Variants in RYR3 observed in about 807,000 individuals in gnomAD.
RYR3 encodes ryanodine receptor 3.
RYR3 carries 207 observed loss-of-function variants against 584.3 expected under a neutral mutation model. The ratio of observed to expected loss-of-function variants is 0.35; its 90% CI spans 0.32 to 0.40. RYR3 has a LOEUF of 0.40. Among genes scored for constraint, RYR3 ranks in the 10% least tolerant of loss-of-function variants. The pLI is 1.00. For missense variants in RYR3, 5,616 were observed against 6,089.2 expected (o/e 0.92, Z 2.59); for synonymous variants, 2,416 against 2,248.5 (o/e 1.07, Z -2.11).
At chr15:33,827,025 G>C (rs1375867469) in intron 84 of RYR3, among the ~76,000 whole-genome samples, 174 bp from the exon 85 acceptor site, 1 of 152,208 alleles carries the variant, frequency 6.6e-6, no homozygotes, top group South Asian at 2.1e-4. Context: ...GGTGTCCGCA[G>C]GTTGGGGGGG....
chr15:33,826,191 G>C (rs551452646), intron 82 of RYR3, 61 bp from the exon 83 acceptor site: 2 of 1,538,644 alleles, frequency 1.3e-6, no homozygotes, highest in East Asian at 4.5e-5. Flanking sequence ...ACTAAAGACA[G>C]TTTATCATGA....
chr15:33,664,678 G>A (rs2063395117), intron 36 of RYR3, among the ~76,000 whole-genome samples: 1 of 147,994 alleles, frequency 6.8e-6, no homozygotes, highest in Non-Finnish European at 1.5e-5. Flanking sequence ...CCTCCCCAGG[G>A]TTCTTGCAAG....
At position 33,662,636 on chromosome 15, in the gene RYR3, A is replaced by G. The variant is rs2063233460; in HGVS notation, c.5106A>G (p.Ala1702=). The G allele has an allele frequency of 1.9e-6, 3 of 1,613,920 alleles. No individual in the cohort carries two copies. The highest frequency in any genetic ancestry group is 2.5e-6 in the Non-Finnish European group (3 of 1,179,922). Residue 1702 remains alanine (A), a synonymous_variant, in exon 35 of 104, where the codon GCA becomes GCG. Transcript: ENST00000634891. ...AGGCTCTGAGTATGCTGACAGAGGC[A>G]GTGCAGTGCAGCGGGGCCCACATCC... ...RTKALSMLTE[A]VQCSGAHIRD...
chr15:33,762,257 G>A (rs934635030), intron 60 of RYR3, among the ~76,000 whole-genome samples: 21 of 152,256 alleles, frequency 1.4e-4, no homozygotes, highest in African/African-American at 4.6e-4. Context: ...TCTGGCCAGG[G>A]CAATCAGGCA....
chr15:33,646,904 T>C (rs980197345), intron 29 of RYR3, among the ~76,000 whole-genome samples: 7 of 152,246 alleles, frequency 4.6e-5, no homozygotes, highest in African/African-American at 1.7e-4. Context: ...CTGCCTTCTT[T>C]GCATAGCTAT....
At chr15:33,567,182 T>G (rs886657902) in intron 12 of RYR3, among the ~76,000 whole-genome samples, 1 of 152,206 alleles carries the variant, frequency 6.6e-6, no homozygotes, top group Non-Finnish European at 1.5e-5. Flanking sequence ...CTACAATCAT[T>G]CAGAATTGCT....
chr15:33,435,908 A>T (rs980610799), intron 1 of RYR3, among the ~76,000 whole-genome samples: 2 of 152,164 alleles, frequency 1.3e-5, no homozygotes, highest in African/African-American at 4.8e-5. Context: ...GGCAGCTTTT[A>T]TTCCCTTATT....
chr15:33,586,834 T>C (rs962318104), intron 16 of RYR3, among the ~76,000 whole-genome samples: 19 of 152,184 alleles, frequency 1.2e-4, no homozygotes, highest in Non-Finnish European at 2.5e-4. Flanking sequence ...GAGTTTTTTT[T>C]CCTGACCCTT....
At position 33,390,750 on chromosome 15, in the gene RYR3, A is replaced by G. The variant is rs2041944671; in HGVS notation, c.51+79654A>G. On this transcript the variant is annotated intron_variant, in intron 1 of 103. Coordinates refer to ENST00000634891, the MANE Select transcript of RYR3 (RefSeq NM_001036.6). This position sits in a 1 kb window ranked among gnomAD's most constrained non-coding sequence, Gnocchi z 4.2. The stretch of plus-strand genomic sequence containing the variant: ...AACACCTGCTTAGTTCTGGGAATCT[A>G]GAAGAGCGGTACTTGCTAGTCAGAG... Among the ~76,000 whole-genome samples, 1 of 152,174 alleles carries G rather than the reference A, an allele frequency of 6.6e-6. No homozygotes were observed. Among genetic ancestry groups the G allele is most frequent in the Admixed American group, 6.5e-5 (1 of 15,280 alleles).
chr15:33,697,859 ACT>A, intron 39 of RYR3, 21 bp from the exon 40 acceptor site: 1 of 1,447,984 alleles, frequency 6.9e-7, no homozygotes, highest in African/African-American at 1.4e-5. Flanking sequence ...GGTGCTGAAG[ACT>A]CTCTCTGATC....
intron 1 of RYR3, among the ~76,000 whole-genome samples, chr15:33,316,502 C>G (rs1968193287): frequency 6.6e-6 from 1 of 151,976 alleles, no homozygotes; most frequent in Non-Finnish European, 1.5e-5. Flanking sequence ...TTTAAGCTAC[C>G]CTTAATACAA....
intron 16 of RYR3, among the ~76,000 whole-genome samples, chr15:33,599,669 C>A (rs62010497): frequency 0.046 from 6,934 of 152,264 alleles, 243 homozygotes; most frequent in Non-Finnish European, 0.067. Flanking sequence ...TAAGCAGTTT[C>A]CAGCTTGAGT....
Position 33,454,131 on chromosome 15 carries a change from T to C in RYR3, c.52-19288T>C, listed in dbSNP as rs2047351440. 2.0e-5 allele frequency among the ~76,000 whole-genome samples: 3 copies of C among 152,150 alleles called. No homozygotes were observed. In the South Asian group the frequency reaches 6.2e-4, roughly 32 times the overall value. On this transcript the variant is annotated intron_variant, in intron 1 of 103. Coordinates refer to ENST00000634891, the MANE Select transcript of RYR3 (RefSeq NM_001036.6). ...AGGTGGGAGGCTCACTTGACAAAGTTTTGCGAAGATGCTGTAGTATTGGAA... is the reference window on the plus strand; with the variant it reads ...AGGTGGGAGGCTCACTTGACAAAGTCTTGCGAAGATGCTGTAGTATTGGAA...
chr15:33,740,135 T>C (rs2069936647), intron 51 of RYR3, 140 bp downstream of exon 51: 1 of 707,454 alleles, frequency 1.4e-6, no homozygotes, highest in Non-Finnish European at 2.3e-6. Context: ...ATGTGTCAAG[T>C]CCCATCAGGC....
intron 70 of RYR3, 130 bp downstream of exon 70, chr15:33,807,699 C>G: frequency 1.1e-6 from 1 of 892,142 alleles, no homozygotes; most frequent in Non-Finnish European, 1.8e-6. Flanking sequence ...TCCCCCAGGC[C>G]TGCTCCAGGG....
chr15:33,826,592 A>G, intron 83 of RYR3, 80 bp from the exon 84 acceptor site: 1 of 1,193,052 alleles, frequency 8.4e-7, no homozygotes, highest in Admixed American at 1.7e-5. Context: ...CTCCTTTATC[A>G]TCTGTGTAGT....
chr15:33,372,406 C>A (rs746653606), intron 1 of RYR3, among the ~76,000 whole-genome samples: 1 of 147,670 alleles, frequency 6.8e-6, no homozygotes, highest in East Asian at 2.0e-4. Flanking sequence ...TCACTGTCTC[C>A]CAGGCTGGAG....
chr15:33,550,921 T>TA (rs1291423960), intron 10 of RYR3, among the ~76,000 whole-genome samples: 9 of 152,216 alleles, frequency 5.9e-5, no homozygotes, highest in African/African-American at 2.2e-4. Context: ...CCACATCTCT[T>TA]AGTTTTCTCC....
chr15:33,544,591 G>C (rs1248416164), intron 8 of RYR3, among the ~76,000 whole-genome samples: 1 of 152,168 alleles, frequency 6.6e-6, no homozygotes, highest in Non-Finnish European at 1.5e-5. Flanking sequence ...CAGAGCTGCT[G>C]ACTCTCCATC....
Sources: gnomAD v4.1 joint callset for allele counts (sites outside exome capture counted in the v4.1 genomes callset) on GRCh38, gnomAD v4.1.1 for gene constraint, Gnocchi (gnomAD v3.1) non-coding constraint, MANE v1.5 for transcripts, NCBI Gene and HGNC (gene_info 2026-07-23, HGNC 2026-07-21) for gene names.